SYN3: variants seen among roughly 807,000 people sequenced by gnomAD.
SYN3 encodes the protein synapsin-3.
A neutral mutation model predicts 65.8 loss-of-function variants in SYN3; 35 were observed. The ratio of observed to expected loss-of-function variants is 0.53; its 90% CI spans 0.41 to 0.70. The LOEUF (loss-of-function observed/expected upper bound fraction) is 0.70, where lower values mean the gene tolerates loss of function less well. SYN3 is among the 30% of genes least tolerant of loss of function. The probability of loss-of-function intolerance (pLI) is 0.00; values close to 1 mark genes in which losing one functional copy is unlikely to be tolerated. For missense variants in SYN3, 680 were observed against 749.0 expected (o/e 0.91, Z 1.08); for synonymous variants, 270 against 292.9 (o/e 0.92, Z 0.80).
At chr22:32,520,352 G>T (rs2057858701) in intron 12 of SYN3, among the ~76,000 whole-genome samples, 1 of 151,462 alleles carries the variant, frequency 6.6e-6, no homozygotes, top group Non-Finnish European at 1.5e-5. Context: ...GCCCAGGCTG[G>T]TCTTGAACTC....
At chr22:32,677,467 G>A (rs1187830807) in intron 6 of SYN3, among the ~76,000 whole-genome samples, 1 of 152,126 alleles carries the variant, frequency 6.6e-6, no homozygotes, top group Non-Finnish European at 1.5e-5. Context: ...AGAATATTTT[G>A]AAACCATTGA....
At chr22:32,954,108 A>G (rs1048360492) in intron 3 of SYN3, among the ~76,000 whole-genome samples, 2 of 138,712 alleles carry the variant, frequency 1.4e-5, no homozygotes, top group African/African-American at 3.2e-5. Flanking sequence ...CCAACAAAAC[A>G]AAACAAAACA....
At chr22:33,053,987 T>C (rs937810789) in intron 1 of SYN3, among the ~76,000 whole-genome samples, 1 of 152,174 alleles carries the variant, frequency 6.6e-6, no homozygotes, top group Non-Finnish European at 1.5e-5. Context: ...GGATTGGAAG[T>C]CTGGAGACTC....
intron 6 of SYN3, among the ~76,000 whole-genome samples, chr22:32,828,374 G>A (rs1327686728): frequency 6.6e-6 from 1 of 152,220 alleles, no homozygotes; most frequent in African/African-American, 2.4e-5. Context: ...ATCTTTCAGA[G>A]ATACAGGCCT....
At chr22:32,891,211 T>C (rs75846655) in intron 4 of SYN3, among the ~76,000 whole-genome samples, 1 of 152,166 alleles carries the variant, frequency 6.6e-6, no homozygotes, top group East Asian at 1.9e-4. Flanking sequence ...AATTGACACG[T>C]TGGCCATCTG....
chr22:33,049,353 T>C (rs2054122205), intron 1 of SYN3, among the ~76,000 whole-genome samples: 1 of 152,252 alleles, frequency 6.6e-6, no homozygotes, highest in Non-Finnish European at 1.5e-5. Context: ...GTTCTTCCTC[T>C]ATCTGCTATC....
At chr22:32,924,416 C>T (rs2050414876) in intron 4 of SYN3, among the ~76,000 whole-genome samples, 1 of 152,152 alleles carries the variant, frequency 6.6e-6, no homozygotes, top group Non-Finnish European at 1.5e-5. Flanking sequence ...CATATGGGTC[C>T]CTGAACCCAG....
At chr22:32,670,631 G>A in intron 6 of SYN3, among the ~76,000 whole-genome samples, 1 of 152,198 alleles carries the variant, frequency 6.6e-6, no homozygotes, top group Non-Finnish European at 1.5e-5. Flanking sequence ...GAAGAGGGAT[G>A]ACTCCCTTTC....
intron 6 of SYN3, among the ~76,000 whole-genome samples, chr22:32,714,651 A>G (rs2061012150): frequency 6.6e-6 from 1 of 151,922 alleles, no homozygotes; most frequent in Non-Finnish European, 1.5e-5. Context: ...CATATGAGCT[A>G]TTTAACAAAC....
At chr22:32,671,670 C>T (rs929242400) in intron 6 of SYN3, among the ~76,000 whole-genome samples, 7 of 151,286 alleles carry the variant, frequency 4.6e-5, no homozygotes, top group East Asian at 2.0e-4. Context: ...CTGTCACACA[C>T]GCTCTCACAC....
Position 32,509,662 on chromosome 22 carries a change from G to A in SYN3, c.*4030C>T, listed in dbSNP as rs777350522. Among the ~76,000 whole-genome samples, 57 of 151,890 alleles carry A rather than the reference G, an allele frequency of 3.8e-4. No homozygotes were observed. The highest frequency in any genetic ancestry group is 4.9e-4 in the Non-Finnish European group (33 of 67,990). The stretch of plus-strand genomic sequence containing the variant: ...CGGCTCACTGCAAGCTCCGCCTCCC[G>A]GGTTCACGCCATTCTCCTGCCTCAG... On this transcript the variant is annotated 3_prime_UTR_variant, in exon 14 of 14. Coordinates refer to ENST00000358763, the MANE Select transcript of SYN3 (RefSeq NM_003490.4).
rs1418514316 is a variant in SYN3 at position 32,507,962 on chromosome 22, G to A, written c.*5730C>T. ...CCCTAATCCCACTCGAAGCAGCCCT[G>A]AGAAACATCGCCCATTCTCTCTCCA... On this transcript the variant is annotated 3_prime_UTR_variant, in exon 14 of 14. Coordinates refer to ENST00000358763, the MANE Select transcript of SYN3 (RefSeq NM_003490.4). Among the ~76,000 whole-genome samples the A allele has an allele frequency of 4.0e-5, 6 of 151,282 alleles. No homozygotes were observed. In the East Asian group the frequency reaches 1.2e-3, roughly 29 times the overall value.
intron 4 of SYN3, among the ~76,000 whole-genome samples, chr22:32,870,154 T>C (rs2048811000): frequency 6.6e-6 from 1 of 152,208 alleles, no homozygotes; most frequent in Admixed American, 6.5e-5. Flanking sequence ...ACACATTCTT[T>C]GTGTATAAAA....
intron 5 of SYN3, among the ~76,000 whole-genome samples, chr22:32,865,494 C>T (rs771311310): frequency 8.3e-4 from 127 of 152,294 alleles, no homozygotes; most frequent in South Asian, 3.5e-3. Context: ...TTTCTTCACT[C>T]GTAAACTGGA....
At chr22:32,814,672 G>C (rs73885109) in intron 6 of SYN3, among the ~76,000 whole-genome samples, 1 of 152,288 alleles carries the variant, frequency 6.6e-6, no homozygotes, top group African/African-American at 2.4e-5. Flanking sequence ...GCTCCACCTG[G>C]ATAGTTAACA....
intron 3 of SYN3, among the ~76,000 whole-genome samples, chr22:32,936,239 A>T (rs879695315): frequency 6.6e-6 from 1 of 152,212 alleles, no homozygotes. Context: ...ACTGCATTAC[A>T]TATCAGTTTT....
chr22:32,968,528 C>G (rs1289631242), intron 3 of SYN3, among the ~76,000 whole-genome samples: 1 of 152,190 alleles, frequency 6.6e-6, no homozygotes, highest in Non-Finnish European at 1.5e-5. Context: ...GCACTAATAG[C>G]CCACCCTGAA....
chr22:32,578,852 G>A (rs766773951), intron 7 of SYN3, among the ~76,000 whole-genome samples: 2 of 152,186 alleles, frequency 1.3e-5, no homozygotes, highest in Non-Finnish European at 2.9e-5. Flanking sequence ...AATATTTTAG[G>A]CTTTGTAGGA....
chr22:32,648,467 T>TA (rs2060015561), intron 6 of SYN3, among the ~76,000 whole-genome samples: 1 of 152,174 alleles, frequency 6.6e-6, no homozygotes. Context: ...ATAAATATGG[T>TA]AAAAATTGTA....
Sources: allele counts gnomAD v4.1 joint callset (sites outside exome capture counted in the v4.1 genomes callset), GRCh38; gene constraint gnomAD v4.1.1; transcripts MANE v1.5; gene names NCBI Gene and HGNC (gene_info 2026-07-23, HGNC 2026-07-21).